MED24: variants seen among roughly 807,000 people sequenced by gnomAD.
MED24 encodes the protein mediator of RNA polymerase II transcription subunit 24.
In MED24, 74 loss-of-function variants were observed where a neutral mutation model predicts 118.8. That is an observed-to-expected ratio of 0.62 (90% CI 0.52 to 0.76). The LOEUF (loss-of-function observed/expected upper bound fraction) is 0.76. MED24 is among the 30% of genes least tolerant of loss of function. The pLI is 0.00. For missense variants in MED24, 1,041 were observed against 1,278.9 expected, an observed-to-expected ratio of 0.81 and a Z score of 2.84; for synonymous variants, 521 against 523.9, an observed-to-expected ratio of 0.99 and a Z score of 0.08.
chr17:40,044,664 G>C (rs901485923), intron 3 of MED24, among the ~76,000 whole-genome samples: 1 of 151,546 alleles, frequency 6.6e-6, no homozygotes, highest in African/African-American at 2.4e-5. Context: ...GGCGGATCAC[G>C]AGGTCAGGAG....
In MED24 at chr17:40,022,495, GT is replaced by G; in HGVS notation, c.2433-12del. The G allele has an allele frequency of 1.9e-6, 3 of 1,604,708 alleles. No homozygotes were observed. The highest frequency in any genetic ancestry group is 2.6e-6 in the Non-Finnish European group (3 of 1,175,732). On this transcript the variant is annotated splice_polypyrimidine_tract_variant and intron_variant, in intron 21 of 25. Coordinates refer to ENST00000394128, the MANE Select transcript of MED24 (RefSeq NM_014815.4). ...CACCACACGGCCAGCCTGGCAAAGG[GT>G]TCCAGAAAAAGGGGGACAGTGAGAG...
intron 3 of MED24, among the ~76,000 whole-genome samples, chr17:40,052,689 A>C (rs2145010148): frequency 6.6e-6 from 1 of 152,040 alleles, no homozygotes; most frequent in South Asian, 2.1e-4. Context: ...GTAGCCTCAA[A>C]CTCCTGGGCT....
At chr17:40,035,954 C>T in intron 4 of MED24, 159 bp from the exon 5 acceptor site, 3 of 1,071,878 alleles carry the variant, frequency 2.8e-6, no homozygotes, top group African/African-American at 1.6e-5. Context: ...CAAGCACCAG[C>T]CCCTACTTGC....
In MED24 at chr17:40,033,300, G is replaced by A. The variant is rs189250831; in HGVS notation, c.671+45C>T. ...GTGCCACATCTTCCTACCCCAGGGC[G>A]TGTCCTCCCTCTCCCTTCTCCACCA... On this transcript the variant is annotated intron_variant, in intron 7 of 25. Transcript: ENST00000394128. This position sits in a 1 kb window ranked among gnomAD's most constrained non-coding sequence, Gnocchi z 5.2. 311 of 1,611,512 alleles carry A rather than the reference G, an allele frequency of 1.9e-4. No homozygotes were observed. The African/African-American group carries it at 3.4e-3, about 18-fold the overall frequency.
At chr17:40,029,964 A>T in intron 12 of MED24, 105 bp from the exon 13 acceptor site, 1 of 967,250 alleles carries the variant, frequency 1.0e-6, no homozygotes, top group Non-Finnish European at 1.6e-6. Flanking sequence ...GGAGGTGGGA[A>T]GCATGTAAGA....
At chr17:40,028,114 GT>G (rs373788946) in intron 14 of MED24, 168 bp from the exon 15 acceptor site, 848 of 593,650 alleles carry the variant, frequency 1.4e-3, no homozygotes, top group Middle Eastern at 2.1e-3. Context: ...TTTGTTTTTT[GT>G]TTTTTTTTTG....
intron 19 of MED24, among the ~76,000 whole-genome samples, chr17:40,025,854 G>C (rs1414883601): frequency 6.6e-6 from 1 of 152,196 alleles, no homozygotes; most frequent in African/African-American, 2.4e-5. Context: ...CTAGCTCCTA[G>C]ACAGTCACAC....
Position 40,026,987 on chromosome 17 carries a change from C to G in MED24, c.1578G>C (p.Glu526Asp). 6.2e-7 allele frequency: 1 copy of G among 1,614,122 alleles called. No homozygotes were observed. The highest frequency in any genetic ancestry group is 8.5e-7 in the Non-Finnish European group (1 of 1,180,010). Residue 526 changes from glutamate to aspartate, a missense_variant, in exon 17 of 26, where the codon GAG becomes GAC. Coordinates refer to ENST00000394128, the MANE Select transcript of MED24 (RefSeq NM_014815.4). Reference sequence around the variant, plus strand: ...CAGGCATGCAGGTCTGCATCCAGGTCTCGAAGAAGGGCACCTCAGCTCCTG... The same window carrying G: ...CAGGCATGCAGGTCTGCATCCAGGTGTCGAAGAAGGGCACCTCAGCTCCTG... ...SRTGAEVPFF[E>D]TWMQTCMPEE...
intron 12 of MED24, 58 bp downstream of exon 12, chr17:40,031,101 C>T: frequency 6.7e-7 from 1 of 1,499,012 alleles, no homozygotes; most frequent in Non-Finnish European, 9.1e-7. Flanking sequence ...AGCAGCCCCA[C>T]CGTAACAAGA....
Position 40,033,491 on chromosome 17 carries a change from G to A in MED24, c.560-35C>T, listed in dbSNP as rs1025538865. 7.2e-6 allele frequency: 11 copies of A among 1,522,062 alleles called. No individual in the cohort carries two copies. The highest frequency in any genetic ancestry group is 3.9e-5 in the Admixed American group (2 of 51,270). The allele number at this position is 1,522,062 out of a possible 1,614,324, so 94.3% of individuals were successfully genotyped here. On this transcript the variant is annotated intron_variant, in intron 6 of 25. Coordinates refer to ENST00000394128, the MANE Select transcript of MED24 (RefSeq NM_014815.4). The surrounding 1 kb of genome is among the most constrained non-coding windows in gnomAD (Gnocchi z 5.2). Reference sequence around the variant, plus strand: ...GGAAGGAAGTACAGAAACATGATGGGAAACAGGAGAGAAGGAGCACCTGGC... The same window carrying A: ...GGAAGGAAGTACAGAAACATGATGGAAAACAGGAGAGAAGGAGCACCTGGC...
intron 3 of MED24, among the ~76,000 whole-genome samples, chr17:40,052,837 TCA>T (rs1985995221): frequency 6.6e-6 from 1 of 152,278 alleles, no homozygotes; most frequent in Admixed American, 6.5e-5. Flanking sequence ...ACACTGAAAC[TCA>T]CTGAAATGAT....
At position 40,028,873 on chromosome 17, in the gene MED24, G is replaced by A. The variant is rs749338103; in HGVS notation, c.1362C>T (p.Ala454=). Residue 454 remains alanine, a synonymous_variant, in exon 14 of 26, where the codon GCC becomes GCT. Transcript: ENST00000394128. Reference sequence around the variant, plus strand: ...ATTTCAGCTTTCCAGTGGCGGCGGCGGCAGCCAGCAGCAAGTCCAGACTCT... The same window carrying A: ...ATTTCAGCTTTCCAGTGGCGGCGGCAGCAGCCAGCAGCAAGTCCAGACTCT... ...SGKSLDLLLA[A]AAATGKLKSF... 5.0e-6 allele frequency: 8 copies of A among 1,613,824 alleles called. No homozygotes were observed. Among genetic ancestry groups the A allele is most frequent in the South Asian group, 2.2e-5 (2 of 91,070 alleles).
At chr17:40,032,545 G>A in intron 9 of MED24, 104 bp downstream of exon 9, 1 of 819,398 alleles carries the variant, frequency 1.2e-6, no homozygotes, top group Non-Finnish European at 1.9e-6. Flanking sequence ...GGCAGGCTGG[G>A]CCCAGTGCCC....
chr17:40,045,275 CCT>C (rs1985036355), intron 3 of MED24, among the ~76,000 whole-genome samples: 1 of 151,684 alleles, frequency 6.6e-6, no homozygotes, highest in African/African-American at 2.4e-5. Context: ...ATGATGAAAC[CCT>C]GTCTCTACTA....
chr17:40,047,687 AC>A (rs1390655873), intron 3 of MED24, among the ~76,000 whole-genome samples: 1 of 148,100 alleles, frequency 6.8e-6, no homozygotes, highest in East Asian at 1.9e-4. Flanking sequence ...AAAACAAAAA[AC>A]AAAAAACAAC....
At chr17:40,027,831 C>A (rs1344464802) in intron 15 of MED24, 78 bp downstream of exon 15, 37 of 1,472,952 alleles carry the variant, frequency 2.5e-5, no homozygotes, top group South Asian at 3.4e-5. Flanking sequence ...AGCTGGGGAG[C>A]CCTCCTCCCT....
intron 8 of MED24, 51 bp from the exon 9 acceptor site, chr17:40,032,813 C>T: frequency 6.6e-7 from 1 of 1,516,538 alleles, no homozygotes; most frequent in Non-Finnish European, 9.1e-7. Context: ...TACCCCGTCA[C>T]CCTTCTGTGG....
intron 23 of MED24, chr17:40,021,354 C>A (rs1201350208): frequency 1.3e-5 from 2 of 152,280 alleles, no homozygotes; most frequent in Admixed American, 6.5e-5. Context: ...TATAGTTGGT[C>A]CCCTAGTTCC....
intron 3 of MED24, among the ~76,000 whole-genome samples, chr17:40,038,395 A>T (rs1200346359): frequency 6.6e-6 from 1 of 152,070 alleles, no homozygotes; most frequent in African/African-American, 2.4e-5. Context: ...CTGCTGGAGG[A>T]GTGGAAGCCT....
Sources: gnomAD v4.1 joint callset for allele counts (sites outside exome capture counted in the v4.1 genomes callset) on GRCh38, gnomAD v4.1.1 for gene constraint, Gnocchi (gnomAD v3.1) non-coding constraint, MANE v1.5 for transcripts, NCBI Gene and HGNC (gene_info 2026-07-23, HGNC 2026-07-21) for gene names.